Variants in FRMD6 observed in about 807,000 individuals in gnomAD.
The protein encoded by FRMD6 is FERM domain-containing protein 6.
Under a neutral mutation model 73.2 loss-of-function variants are expected in FRMD6, and 37 were observed. The observed-to-expected ratio is 0.51, with a 90% CI of 0.39 to 0.66. FRMD6 has a LOEUF of 0.66. Ranked by LOEUF, FRMD6 falls within the 30% of genes least tolerant of loss-of-function variation. The probability of loss-of-function intolerance (pLI) is 0.00; values close to 1 mark genes in which losing one functional copy is unlikely to be tolerated. For synonymous variants in FRMD6, 273 were observed against 282.2 expected (o/e 0.97, Z 0.33); for missense variants, 714 against 780.5 (o/e 0.91, Z 1.02).
At chr14:51,508,232 C>G (rs771948541) in intron 1 of FRMD6, among the ~76,000 whole-genome samples, 6 of 152,328 alleles carry the variant, frequency 3.9e-5, no homozygotes, top group Middle Eastern at 3.4e-3. Flanking sequence ...GTCCTTCCCC[C>G]ACCCACGGAG....
At chr14:51,437,449 A>C in the FRMD6 span, among the ~76,000 whole-genome samples, 38,300 of 151,792 alleles carry the variant, frequency 0.25, 4,974 homozygotes, top group Middle Eastern at 0.31. Flanking sequence ...ACTACAGGCA[A>C]GCACCACCAC....
rs1555324438 is a variant in FRMD6 at position 51,586,734 on chromosome 14, C to CTTCTTA, written c.-147+16326_-147+16327insCTTATT. 1.2e-3 allele frequency among the ~76,000 whole-genome samples: 179 copies of CTTCTTA among 150,704 alleles called. 1 individual carries two copies. Among genetic ancestry groups the CTTCTTA allele is most frequent in the Non-Finnish European group, 2.1e-3 (139 of 67,744 alleles). The stretch of plus-strand genomic sequence containing the variant: ...TCTTATGTTCAGGTCTTTACTTTAT[C>CTTCTTA]TTATTATTATTATTAATCATTATTT... On this transcript the variant is annotated intron_variant, in intron 2 of 14. Coordinates refer to the FRMD6 transcript ENST00000356218.
intron 1 of FRMD6, among the ~76,000 whole-genome samples, chr14:51,541,002 C>T (rs1482817125): frequency 2.0e-5 from 3 of 152,026 alleles, no homozygotes; most frequent in Non-Finnish European, 2.9e-5. Flanking sequence ...CTTAACTTTC[C>T]TCCTATTTCA....
chr14:51,459,702 C>T, the FRMD6 span, among the ~76,000 whole-genome samples: 2 of 151,444 alleles, frequency 1.3e-5, no homozygotes, highest in Non-Finnish European at 2.9e-5. Flanking sequence ...TGGCGGGTGC[C>T]TGTAGTCCCA....
At position 51,701,029 on chromosome 14, in the gene FRMD6, T is replaced by C. The variant is rs368889204; in HGVS notation, c.191-27T>C. The C allele has an allele frequency of 3.9e-5, 44 of 1,124,796 alleles. No individual in the cohort carries two copies. The African/African-American group carries it at 5.8e-4, about 15-fold the overall frequency. 69.7% of individuals were successfully genotyped at this position (1,124,796 alleles called of 1,614,324 possible). A position where few individuals can be genotyped will look rare whatever the true frequency, so the allele number is the denominator to read the frequency against. On this transcript the variant is annotated intron_variant, in intron 3 of 13. Coordinates refer to ENST00000344768, the MANE Select transcript of FRMD6 (RefSeq NM_001267046.2). ...TCTTTTAAAAATCCTTTCTTTAGCA[T>C]GTCGTCTCCTTTTTTTTAATGTACA...
chr14:51,619,729 T>C (rs1291876537), intron 2 of FRMD6, among the ~76,000 whole-genome samples: 1 of 152,232 alleles, frequency 6.6e-6, no homozygotes, highest in Non-Finnish European at 1.5e-5. Flanking sequence ...TCGTCCATGG[T>C]ACTTACCAAA....
chr14:51,532,771 C>T (rs960327118), intron 1 of FRMD6, among the ~76,000 whole-genome samples: 15 of 152,182 alleles, frequency 9.9e-5, no homozygotes, highest in African/African-American at 3.6e-4. Context: ...AATCATTTTT[C>T]TCTTTTTGCA....
intron 1 of FRMD6, among the ~76,000 whole-genome samples, chr14:51,518,493 G>A (rs574091478): frequency 6.6e-6 from 1 of 152,318 alleles, no homozygotes; most frequent in East Asian, 1.9e-4. Flanking sequence ...GTGTACTAAT[G>A]TTCCCTGTAA....
the FRMD6 span, among the ~76,000 whole-genome samples, chr14:51,470,069 T>A: frequency 2.6e-5 from 4 of 152,240 alleles, no homozygotes; most frequent in Non-Finnish European, 4.4e-5. Context: ...ACTTTGTTTA[T>A]AACATAAAGT....
At chr14:51,691,814 C>T in intron 2 of FRMD6, among the ~76,000 whole-genome samples, 1 of 151,802 alleles carries the variant, frequency 6.6e-6, no homozygotes, top group African/African-American at 2.4e-5. Flanking sequence ...AGGCTGGTCT[C>T]AAACTCCTGA....
intron 1 of FRMD6, among the ~76,000 whole-genome samples, chr14:51,675,750 C>A (rs751030240): frequency 9.2e-5 from 14 of 151,896 alleles, no homozygotes; most frequent in Middle Eastern, 6.8e-3. Flanking sequence ...GGCCTTGGAG[C>A]CTCACTTTGC....
intron 1 of FRMD6, among the ~76,000 whole-genome samples, chr14:51,656,848 A>G (rs920997342): frequency 1.3e-5 from 2 of 152,200 alleles, no homozygotes; most frequent in African/African-American, 2.4e-5. Flanking sequence ...AATTGGGATA[A>G]TTCTGACCAA....
At chr14:51,591,049 T>A (rs1345235738) in intron 2 of FRMD6, among the ~76,000 whole-genome samples, 1 of 152,234 alleles carries the variant, frequency 6.6e-6, no homozygotes, top group Admixed American at 6.5e-5. Context: ...CAATGGCAGC[T>A]GCTGTGGGGT....
chr14:51,614,752 C>T (rs1890644117), intron 2 of FRMD6, among the ~76,000 whole-genome samples: 1 of 152,146 alleles, frequency 6.6e-6, no homozygotes, highest in Non-Finnish European at 1.5e-5. Context: ...GAAAGAATGA[C>T]CCTTCCTTTA....
the FRMD6 span, among the ~76,000 whole-genome samples, chr14:51,450,729 C>G: frequency 0.49 from 75,161 of 152,036 alleles, 18,958 homozygotes; most frequent in East Asian, 0.67. Context: ...ATCATTTGGG[C>G]CAAACAAACC....
intron 2 of FRMD6, among the ~76,000 whole-genome samples, chr14:51,623,335 C>T (rs947745496): frequency 9.2e-5 from 14 of 152,148 alleles, no homozygotes; most frequent in Non-Finnish European, 1.6e-4. Context: ...ACCAGCCTGT[C>T]ATTATATTTC....
At chr14:51,412,487 AG>A in the FRMD6 span, among the ~76,000 whole-genome samples, 8 of 150,974 alleles carry the variant, frequency 5.3e-5, no homozygotes, top group East Asian at 1.6e-3. Flanking sequence ...TTTTCATGTA[AG>A]AGAGGGGGAG....
chr14:51,622,137 G>C (rs1026800896), intron 2 of FRMD6, among the ~76,000 whole-genome samples: 1 of 152,184 alleles, frequency 6.6e-6, no homozygotes, highest in Admixed American at 6.5e-5. Context: ...TGAGTGCTGG[G>C]AGTGGCTAAG....
the FRMD6 span, among the ~76,000 whole-genome samples, chr14:51,427,268 A>C: frequency 4.6e-5 from 7 of 152,180 alleles, no homozygotes; most frequent in Non-Finnish European, 1.0e-4. Flanking sequence ...ATGACCTGTT[A>C]CTGTTGTCTG....
Sources: gnomAD v4.1 joint callset for allele counts (sites outside exome capture counted in the v4.1 genomes callset) on GRCh38, gnomAD v4.1.1 for gene constraint, MANE v1.5 for transcripts, NCBI Gene and HGNC (gene_info 2026-07-23, HGNC 2026-07-21) for gene names.